The following SLC28A1 variants were observed in gnomAD, a reference collection of about 807,000 sequenced individuals.
SLC28A1 encodes the protein sodium/nucleoside cotransporter 1.
SLC28A1 carries 64 observed loss-of-function variants against 74.8 expected under a neutral mutation model. The ratio of observed to expected loss-of-function variants is 0.86; its 90% CI spans 0.70 to 1.05. The LOEUF (loss-of-function observed/expected upper bound fraction) is 1.05. Ranked by LOEUF, SLC28A1 falls within the 50% of genes least tolerant of loss-of-function variation. SLC28A1 has a pLI of 0.00. For synonymous variants in SLC28A1, 359 were observed against 335.0 expected (o/e 1.07, Z -0.78); for missense variants, 828 against 822.8 (o/e 1.01, Z -0.08).
rs1567111766 is a variant in SLC28A1 at position 84,888,819 on chromosome 15, G to C, written c.144G>C (p.Arg48Ser). 1.9e-6 allele frequency: 3 copies of C among 1,554,740 alleles called. No homozygotes were observed. Among genetic ancestry groups the C allele is most frequent in the Non-Finnish European group, 1.7e-6 (2 of 1,148,796 alleles). ...PRSDLSPAEI[R>S]SSWSEAAPKP... ...GTGACTTGAGCCCCGCAGAGATCAG[G>C]AGCAGCTGGAGCGAGGCGGCGCCGA... Residue 48 changes from arginine to serine, a missense_variant, in exon 4 of 19, where the codon AGG (arginine) becomes AGC (serine). Arg to Ser is a moderately radical substitution (Grantham distance 110). Around this residue, in one of 3 missense-constraint regions of SLC28A1, gnomAD observed 767 missense variants for 753.5 expected, o/e 1.02. Transcript: ENST00000394573.
intron 12 of SLC28A1, among the ~76,000 whole-genome samples, chr15:84,926,827 A>C (rs899264207): frequency 6.7e-6 from 1 of 149,732 alleles, no homozygotes; most frequent in African/African-American, 2.5e-5. Flanking sequence ...GTAGGCGGTG[A>C]CCAGAAAATG....
At chr15:84,955,240 A>C in the SLC28A1 span, among the ~76,000 whole-genome samples, 1 of 152,186 alleles carries the variant, frequency 6.6e-6, no homozygotes, top group South Asian at 2.1e-4. Context: ...GAGACAAGCC[A>C]TCCCCTTTGG....
At chr15:84,969,423 T>G in the SLC28A1 span, among the ~76,000 whole-genome samples, 1 of 152,174 alleles carries the variant, frequency 6.6e-6, no homozygotes, top group Non-Finnish European at 1.5e-5. Flanking sequence ...TCTCTGATCT[T>G]CTGGATCAGC....
intron 11 of SLC28A1, among the ~76,000 whole-genome samples, chr15:84,923,375 A>G (rs1283300822): frequency 2.7e-5 from 4 of 149,390 alleles, no homozygotes; most frequent in Non-Finnish European, 4.4e-5. Context: ...CACGGCTCCC[A>G]GGATATAAGC....
At chr15:84,952,275 T>C in the SLC28A1 span, among the ~76,000 whole-genome samples, 1 of 152,220 alleles carries the variant, frequency 6.6e-6, no homozygotes, top group Non-Finnish European at 1.5e-5. Context: ...TCACACAGGC[T>C]GTGTGGCTAT....
chr15:84,918,715 C>T lies in SLC28A1; in HGVS notation c.876+111C>T, dbSNP rs1018786272. Reference sequence around the variant, plus strand: ...AGCCCAAACCTCCCCAGACACACTGCTCCCCAAGCCCACACCCTTCCAGAG... The same window carrying T: ...AGCCCAAACCTCCCCAGACACACTGTTCCCCAAGCCCACACCCTTCCAGAG... On this transcript the variant is annotated intron_variant, in intron 10 of 18. Transcript: ENST00000394573. 4 of 829,338 alleles carry T rather than the reference C, an allele frequency of 4.8e-6. No individual in the cohort carries two copies. The African/African-American group carries it at 5.0e-5, about 10-fold the overall frequency. 51.4% of individuals were successfully genotyped at this position (829,338 alleles called of 1,614,324 possible).
At chr15:84,950,057 C>T (rs577023335), downstream of SLC28A1, among the ~76,000 whole-genome samples, 2 of 152,270 alleles carry the variant, frequency 1.3e-5, no homozygotes, top group African/African-American at 4.8e-5. Flanking sequence ...GAGACTTTGT[C>T]ACTGGCAGGG....
chr15:84,943,902 T>C (rs1972999426), intron 16 of SLC28A1, among the ~76,000 whole-genome samples: 2 of 149,090 alleles, frequency 1.3e-5, no homozygotes, highest in South Asian at 4.2e-4. Context: ...AGACTCTGTC[T>C]CAAAAAAAAA....
chr15:84,909,663 G>A (rs1009318217), intron 9 of SLC28A1, among the ~76,000 whole-genome samples: 11 of 152,170 alleles, frequency 7.2e-5, no homozygotes, highest in African/African-American at 2.7e-4. Flanking sequence ...CACTCCAACT[G>A]TCTAAGACCA....
chr15:84,905,750 A>C, intron 8 of SLC28A1, 98 bp downstream of exon 8: 1 of 939,740 alleles, frequency 1.1e-6, no homozygotes, highest in Non-Finnish European at 1.7e-6. Context: ...GAGGCCATAG[A>C]GAAGGCTTGG....
the SLC28A1 span, among the ~76,000 whole-genome samples, chr15:84,956,981 A>G: frequency 6.6e-6 from 1 of 152,072 alleles, no homozygotes; most frequent in East Asian, 1.9e-4. Context: ...AAATTTATGC[A>G]TTTTCAAATC....
intron 6 of SLC28A1, among the ~76,000 whole-genome samples, chr15:84,896,939 A>G (rs1966060845): frequency 6.6e-6 from 1 of 152,200 alleles, no homozygotes; most frequent in Admixed American, 6.5e-5. Flanking sequence ...GTGGAGACAG[A>G]GAGTTGATTA....
intron 16 of SLC28A1, among the ~76,000 whole-genome samples, chr15:84,944,044 G>A (rs751987392): frequency 6.6e-6 from 1 of 152,258 alleles, no homozygotes; most frequent in Non-Finnish European, 1.5e-5. Context: ...GGTGGGAGGT[G>A]TGGTGCTTGC....
At chr15:84,946,254 C>T (rs2079227407), downstream of SLC28A1, among the ~76,000 whole-genome samples, 1 of 148,988 alleles carries the variant, frequency 6.7e-6, no homozygotes, top group Non-Finnish European at 1.5e-5. Context: ...TGTATCTGGC[C>T]CATAAGAACC....
rs763701148 is a variant in SLC28A1 at position 84,890,501 on chromosome 15, T to C, written c.244T>C (p.Phe82Leu). ...CTTCTGCAGGGAGCACATGCAGCTG[T>C]TTCGATGGATCGGCACAGGCCTGCT... ...RSFCREHMQLFRWIGTGLLCT... is the reference protein window; with the variant it reads ...RSFCREHMQLLRWIGTGLLCT... The change falls in exon 5 of 19, where the codon TTT becomes CTT. Residue 82 changes from phenylalanine (F) to leucine (L), a missense_variant. Phe to Leu is a conservative substitution (Grantham distance 22, BLOSUM62 0). This residue lies in a region of SLC28A1 where 767 missense variants were observed against 753.5 expected (regional missense o/e 1.02). Coordinates refer to ENST00000394573, the MANE Select transcript of SLC28A1 (RefSeq NM_004213.5). The C allele has an allele frequency of 6.2e-7, 1 of 1,611,432 alleles. No individual in the cohort carries two copies. Among genetic ancestry groups the C allele is most frequent in the Non-Finnish European group, 8.5e-7 (1 of 1,179,646 alleles).
At chr15:84,924,203 A>C in intron 12 of SLC28A1, 93 bp downstream of exon 12, 1 of 1,416,764 alleles carries the variant, frequency 7.1e-7, no homozygotes, top group Non-Finnish European at 9.9e-7. Flanking sequence ...AGCAGCCCTC[A>C]GATCTTCTCT....
At chr15:84,894,410 C>A (rs557504231) in intron 5 of SLC28A1, among the ~76,000 whole-genome samples, 1 of 152,098 alleles carries the variant, frequency 6.6e-6, no homozygotes, top group East Asian at 1.9e-4. Context: ...GACATCTCCC[C>A]CTCTGCTATC....
Position 84,935,147 on chromosome 15 carries a change from C to T in SLC28A1, c.1336C>T (p.Leu446Phe), listed in dbSNP as rs1971732350. The change falls in exon 14 of 19, where the codon CTC becomes TTC. Residue 446 changes from leucine to phenylalanine, a missense_variant. Coordinates refer to ENST00000394573, the MANE Select transcript of SLC28A1 (RefSeq NM_004213.5). The part of the protein sequence containing the change: ...LAVLDFINAA[L>F]SWLGDMVDIQ... ...TGTGCTGGACTTTATCAATGCTGCC[C>T]TCTCCTGGCTGGGAGACATGGTGGA... is the stretch of plus-strand genomic sequence containing the variant. 6.2e-7 allele frequency: 1 copy of T among 1,613,924 alleles called. No homozygotes were observed.
At chr15:84,896,294 G>C (rs974129923) in intron 6 of SLC28A1, among the ~76,000 whole-genome samples, 1 of 152,168 alleles carries the variant, frequency 6.6e-6, no homozygotes, top group African/African-American at 2.4e-5. Flanking sequence ...CCCATTTGAT[G>C]AATGATAAAA....
Sources: allele counts gnomAD v4.1 joint callset (sites outside exome capture counted in the v4.1 genomes callset), GRCh38; gene constraint gnomAD v4.1.1; regional missense constraint gnomAD v4.1.1; transcripts MANE v1.5; gene names NCBI Gene and HGNC (gene_info 2026-07-23, HGNC 2026-07-21).